Variants in WHR1 observed in about 807,000 individuals in gnomAD.
WHR1 encodes the protein winged helix repair factor 1, also known as MHC class III HLA-RP1.
the WHR1 span, chr6:31,972,832 C>T: frequency 6.3e-6 from 10 of 1,592,030 alleles, no homozygotes; most frequent in Non-Finnish European, 8.5e-6. This position sits in a 1 kb window ranked among gnomAD's most constrained non-coding sequence, Gnocchi z 6.3. Flanking sequence ...GTCACTCCGC[C>T]AGCCGTTCAG....
chr6:31,978,397 C>CA, the WHR1 span, among the ~76,000 whole-genome samples: 1 of 152,038 alleles, frequency 6.6e-6, no homozygotes, highest in Non-Finnish European at 1.5e-5. Flanking sequence ...CTCAGCCTCC[C>CA]AAAATGCTGA....
chr6:31,978,240 C>T, the WHR1 span, among the ~76,000 whole-genome samples: 5 of 152,088 alleles, frequency 3.3e-5, no homozygotes, highest in Admixed American at 6.5e-5. Context: ...GATCCTCTTG[C>T]CTTAGTCTCC....
the WHR1 span, chr6:31,972,871 CTG>C: frequency 1.3e-6 from 2 of 1,531,898 alleles, no homozygotes; most frequent in African/African-American, 2.7e-5. The surrounding 1 kb of genome is among the most constrained non-coding windows in gnomAD (Gnocchi z 6.3). Context: ...GGCGAGGGCA[CTG>C]TGCCAGGCAC....
At chr6:31,978,719 G>A in the WHR1 span, among the ~76,000 whole-genome samples, 1 of 152,192 alleles carries the variant, frequency 6.6e-6, no homozygotes, top group African/African-American at 2.4e-5. Context: ...ATGAGAATGT[G>A]GGTAGCTAGT....
chr6:31,976,912 C>T, the WHR1 span, among the ~76,000 whole-genome samples: 1 of 152,346 alleles, frequency 6.6e-6, no homozygotes, highest in East Asian at 1.9e-4. Flanking sequence ...GGCGTGGCGG[C>T]GCGCGCCTGC....
At chr6:31,972,059 C>T in the WHR1 span, 5 of 1,612,506 alleles carry the variant, frequency 3.1e-6, no homozygotes, top group African/African-American at 5.3e-5. This position sits in a 1 kb window ranked among gnomAD's most constrained non-coding sequence, Gnocchi z 6.3. Flanking sequence ...GGGCAAACCC[C>T]TCCCGGGGCG....
chr6:31,979,149 G>A, the WHR1 span: 1 of 707,952 alleles, frequency 1.4e-6, no homozygotes, highest in Non-Finnish European at 2.3e-6. Flanking sequence ...ATAGTAATAT[G>A]AGGGAGAGAG....
chr6:31,971,597 G>A, the WHR1 span: 2 of 1,613,614 alleles, frequency 1.2e-6, no homozygotes, highest in Admixed American at 3.3e-5. The surrounding 1 kb of genome is among the most constrained non-coding windows in gnomAD (Gnocchi z 4.5). Flanking sequence ...GGCAGAGAAG[G>A]TGCTGGACGA....
chr6:31,978,957 G>T, the WHR1 span: 2 of 1,612,538 alleles, frequency 1.2e-6, no homozygotes, highest in Non-Finnish European at 1.7e-6. Flanking sequence ...CTTCGACTTG[G>T]ATGCCCATGG....
the WHR1 span, among the ~76,000 whole-genome samples, chr6:31,973,659 A>G: frequency 6.6e-6 from 1 of 152,188 alleles, no homozygotes; most frequent in African/African-American, 2.4e-5. Context: ...GTCCGTGGTT[A>G]AGGACTCCAG....
chr6:31,974,114 T>G, the WHR1 span, among the ~76,000 whole-genome samples: 4,318 of 151,846 alleles, frequency 0.028, 85 homozygotes, highest in South Asian at 0.11. Flanking sequence ...CATAACCCCA[T>G]CTCTACAAAA....
At chr6:31,976,503 G>A in the WHR1 span, among the ~76,000 whole-genome samples, 1 of 151,512 alleles carries the variant, frequency 6.6e-6, no homozygotes, top group Non-Finnish European at 1.5e-5. Flanking sequence ...GGGCAGAGAC[G>A]CTCCTCACTT....
chr6:31,976,274 C>A, the WHR1 span, among the ~76,000 whole-genome samples: 1 of 151,428 alleles, frequency 6.6e-6, no homozygotes, highest in Non-Finnish European at 1.5e-5. Flanking sequence ...GACCCCCCCA[C>A]CTCCCTCCTG....
the WHR1 span, among the ~76,000 whole-genome samples, chr6:31,976,127 G>A: frequency 4.2e-5 from 6 of 144,042 alleles, no homozygotes; most frequent in South Asian, 2.2e-4. Context: ...GGCTGGCTGC[G>A]TGGGGGGCTG....
At chr6:31,971,303 T>C in the WHR1 span, 12 of 1,537,954 alleles carry the variant, frequency 7.8e-6, no homozygotes, top group South Asian at 1.3e-5. The surrounding 1 kb of genome is among the most constrained non-coding windows in gnomAD (Gnocchi z 4.5). Context: ...ATATACTGCC[T>C]ACCACGCTTT....
At chr6:31,972,527 C>T in the WHR1 span, 1 of 1,600,316 alleles carries the variant, frequency 6.2e-7, no homozygotes, top group Non-Finnish European at 8.5e-7. This position sits in a 1 kb window ranked among gnomAD's most constrained non-coding sequence, Gnocchi z 6.3. Context: ...CATGGCAACC[C>T]CGGGGGTGGG....
chr6:31,972,187 G>C, the WHR1 span: 1 of 1,611,664 alleles, frequency 6.2e-7, no homozygotes, highest in African/African-American at 1.3e-5. The surrounding 1 kb of genome is among the most constrained non-coding windows in gnomAD (Gnocchi z 6.3). Flanking sequence ...CGCGGCCGGC[G>C]TGGGGCCCGG....
the WHR1 span, chr6:31,979,002 T>A: frequency 6.2e-7 from 1 of 1,611,744 alleles, no homozygotes; most frequent in Non-Finnish European, 8.5e-7. Flanking sequence ...GACCAGAGTA[T>A]GTGACTGTGT....
the WHR1 span, among the ~76,000 whole-genome samples, chr6:31,978,300 AT>A: frequency 6.6e-6 from 1 of 150,858 alleles, no homozygotes; most frequent in African/African-American, 2.4e-5. Flanking sequence ...CTGTTTTTAC[AT>A]TTTTTGTAGA....
Sources: gnomAD v4.1 joint callset for allele counts (sites outside exome capture counted in the v4.1 genomes callset) on GRCh38, gnomAD v4.1.1 for gene constraint, Gnocchi (gnomAD v3.1) non-coding constraint, MANE v1.5 for transcripts, NCBI Gene and HGNC (gene_info 2026-07-23, HGNC 2026-07-21) for gene names.